PBLD: variants seen among roughly 807,000 people sequenced by gnomAD.
The protein encoded by PBLD is phenazine biosynthesis like protein domain containing.
PBLD carries 26 observed loss-of-function variants against 31.3 expected under a neutral mutation model. The ratio of observed to expected loss-of-function variants is 0.83; its 90% CI spans 0.61 to 1.15. The LOEUF is 1.15. Among genes scored for constraint, PBLD ranks in the 50% most tolerant of loss-of-function variants. The pLI is 0.00. For missense variants in PBLD, 307 were observed against 351.7 expected (o/e 0.87, Z 1.02); for synonymous variants, 114 against 129.0 (o/e 0.88, Z 0.79).
At chr10:68,311,738 C>T (rs185342778) in intron 1 of PBLD, among the ~76,000 whole-genome samples, 46 of 123,988 alleles carry the variant, frequency 3.7e-4, no homozygotes, top group African/African-American at 1.2e-3. Flanking sequence ...GGTGGCAGAG[C>T]GAGACCCTGC....
At chr10:68,327,815 A>G (rs2044947963) in intron 1 of PBLD, among the ~76,000 whole-genome samples, 2 of 152,332 alleles carry the variant, frequency 1.3e-5, no homozygotes, top group Admixed American at 1.3e-4. Context: ...TTAAGTAGCT[A>G]TCTTTTTAAG....
In PBLD at chr10:68,290,580, G is replaced by A. The variant is rs1396931771; in HGVS notation, c.423+1430C>T. On this transcript the variant is annotated intron_variant, in intron 6 of 9. Coordinates refer to ENST00000358769, the MANE Select transcript of PBLD (RefSeq NM_022129.4). Reference sequence around the variant, plus strand: ...TAAAAATACAAAATTAGCCAGGCATGGTGGCGCATGCCTGTAATCTCAGCT... The same window carrying A: ...TAAAAATACAAAATTAGCCAGGCATAGTGGCGCATGCCTGTAATCTCAGCT... 5.3e-5 allele frequency among the ~76,000 whole-genome samples: 8 copies of A among 152,164 alleles called. No individual in the cohort carries two copies. The East Asian group carries it at 1.5e-3, about 29-fold the overall frequency.
At chr10:68,326,814 C>T (rs1280682697) in intron 1 of PBLD, among the ~76,000 whole-genome samples, 5 of 151,944 alleles carry the variant, frequency 3.3e-5, no homozygotes, top group African/African-American at 9.7e-5. Flanking sequence ...TTTGGGAGGC[C>T]GAGGCCAGTG....
At chr10:68,323,448 G>T (rs1378965918) in intron 1 of PBLD, among the ~76,000 whole-genome samples, 1 of 152,098 alleles carries the variant, frequency 6.6e-6, no homozygotes, top group Admixed American at 6.6e-5. Flanking sequence ...TGTAATCCCA[G>T]CTACTCAGGA....
In PBLD at chr10:68,330,939, C is replaced by G. The variant is rs375832978; in HGVS notation, c.-60+1845G>C. The stretch of plus-strand genomic sequence containing the variant: ...GCGCAATCACGGCTCACTGCAGCCT[C>G]AACTTCCAGGGCACAAGCCATCCTT... On this transcript the variant is annotated intron_variant, in intron 1 of 9. Transcript: ENST00000358769. 1.6e-3 allele frequency among the ~76,000 whole-genome samples: 240 copies of G among 152,272 alleles called. 1 individual carries two copies. Among genetic ancestry groups the G allele is most frequent in the African/African-American group, 5.4e-3 (223 of 41,542 alleles).
rs552214104 is a variant in PBLD, at chr10:68,327,537, G to C, written c.-60+5247C>G. On this transcript the variant is annotated intron_variant, in intron 1 of 9. Transcript: ENST00000358769. ...TACTAAAAATACAAAAATTAGCTGGGCGTGGTCATGCATGCCTGTAATCCC... is the reference window on the plus strand; with the variant it reads ...TACTAAAAATACAAAAATTAGCTGGCCGTGGTCATGCATGCCTGTAATCCC... Among the ~76,000 whole-genome samples the C allele has an allele frequency of 6.7e-3, 1,012 of 151,992 alleles. 14 individuals are homozygous for C. Among genetic ancestry groups the C allele is most frequent in the African/African-American group, 0.023 (937 of 41,440 alleles).
intron 1 of PBLD, among the ~76,000 whole-genome samples, chr10:68,325,678 A>C (rs998776263): frequency 8.5e-5 from 13 of 152,152 alleles, no homozygotes; most frequent in Non-Finnish European, 1.8e-4. Context: ...CTACTTCCTT[A>C]TTTTACAATG....
chr10:68,285,116 AT>A, intron 9 of PBLD: 1 of 1,327,166 alleles, frequency 7.5e-7, no homozygotes, highest in Non-Finnish European at 9.6e-7. Flanking sequence ...ACAAACACTT[AT>A]TGGGCAGTTA....
At position 68,284,186 on chromosome 10, in the gene PBLD, C is replaced by T; in HGVS notation, c.858G>A (p.Leu286=). 6.2e-7 allele frequency: 1 copy of T among 1,613,746 alleles called. No homozygotes were observed. The highest frequency in any genetic ancestry group is 8.5e-7 in the Non-Finnish European group (1 of 1,179,726). Residue 286 remains leucine (L), a synonymous_variant, in exon 10 of 10, where the codon CTG becomes CTA. Coordinates refer to ENST00000358769, the MANE Select transcript of PBLD (RefSeq NM_022129.4). ...CACAGCATAACCACCTCTAGGCTGT[C>T]AGTGTGCCCTCTAAAACAACAGCTG... The part of the protein sequence containing the change: ...GGAAVVLEGT[L]TA
intron 2 of PBLD, among the ~76,000 whole-genome samples, chr10:68,306,237 GTCTT>G (rs1361066285): frequency 2.6e-5 from 4 of 152,000 alleles, no homozygotes; most frequent in Admixed American, 6.6e-5. Flanking sequence ...TTAAAAATGA[GTCTT>G]TCAGTAAGTT....
chr10:68,318,364 C>G (rs1438270212), intron 1 of PBLD, among the ~76,000 whole-genome samples: 1 of 138,754 alleles, frequency 7.2e-6, no homozygotes, highest in Non-Finnish European at 1.5e-5. Context: ...ACAGCAAGAC[C>G]CTGCCTCTAT....
intron 2 of PBLD, among the ~76,000 whole-genome samples, chr10:68,297,990 G>T (rs545142190): frequency 1.4e-3 from 207 of 151,644 alleles, no homozygotes; most frequent in African/African-American, 4.7e-3. Context: ...CTTTAGCTGG[G>T]CATGGTGGCT....
chr10:68,317,524 G>A (rs2044751010), intron 1 of PBLD, among the ~76,000 whole-genome samples: 1 of 152,238 alleles, frequency 6.6e-6, no homozygotes, highest in Non-Finnish European at 1.5e-5. Flanking sequence ...AATGCCAGGT[G>A]TGGTGGCTCA....
chr10:68,288,686 G>C, intron 7 of PBLD, 25 bp from the exon 8 acceptor site: 1 of 1,608,178 alleles, frequency 6.2e-7, no homozygotes, highest in Non-Finnish European at 8.5e-7. Context: ...AGATGGATTA[G>C]GACAAACCCA....
intron 1 of PBLD, among the ~76,000 whole-genome samples, chr10:68,319,682 C>T (rs2134527475): frequency 6.6e-6 from 1 of 152,100 alleles, no homozygotes; most frequent in African/African-American, 2.4e-5. Context: ...GATCACAACA[C>T]TGCACTCCGG....
At chr10:68,307,595 G>A (rs2134479730) in intron 1 of PBLD, among the ~76,000 whole-genome samples, 1 of 152,086 alleles carries the variant, frequency 6.6e-6, no homozygotes, top group Admixed American at 6.6e-5. Flanking sequence ...CCCCTCCCAG[G>A]TTCACGCAAT....
rs537387556 is a variant in PBLD at position 68,306,721 on chromosome 10, C to G, written c.84+40G>C. On this transcript the variant is annotated intron_variant, in intron 2 of 9. Coordinates refer to ENST00000358769, the MANE Select transcript of PBLD (RefSeq NM_022129.4). Reference sequence around the variant, plus strand: ...AATAAGTAATTGTTTCTACAGGAATCTAGAATTTCAGGTACTGTAATTCAA... The same window carrying G: ...AATAAGTAATTGTTTCTACAGGAATGTAGAATTTCAGGTACTGTAATTCAA... 7 of 1,534,360 alleles carry G rather than the reference C, an allele frequency of 4.6e-6. No individual in the cohort carries two copies. The Middle Eastern group carries it at 5.1e-4, about 111-fold the overall frequency.
chr10:68,284,062 A>T lies in PBLD; in HGVS notation c.*115T>A. ...GCGCCTGGCCCATTTTTCGATTTTT[A>T]ACATGAGGATTAAGTAGACTACTAC... On this transcript the variant is annotated 3_prime_UTR_variant, in exon 10 of 10. Coordinates refer to ENST00000358769, the MANE Select transcript of PBLD (RefSeq NM_022129.4). The T allele has an allele frequency of 1.9e-6, 2 of 1,033,824 alleles. No individual in the cohort carries two copies. Among genetic ancestry groups the T allele is most frequent in the African/African-American group, 1.6e-5 (1 of 61,910 alleles). 64.0% of individuals were successfully genotyped at this position (1,033,824 alleles called of 1,614,324 possible). A position where few individuals can be genotyped will look rare whatever the true frequency, so the allele number is the denominator to read the frequency against.
chr10:68,301,188 A>T (rs4746756), intron 2 of PBLD, among the ~76,000 whole-genome samples: 119,792 of 152,078 alleles, frequency 0.79, 47,809 homozygotes, highest in Non-Finnish European at 0.86. Context: ...GAGCCACCGC[A>T]CCCGCCCATT....
Sources: gnomAD v4.1 joint callset for allele counts (sites outside exome capture counted in the v4.1 genomes callset) on GRCh38, gnomAD v4.1.1 for gene constraint, MANE v1.5 for transcripts, NCBI Gene and HGNC (gene_info 2026-07-23, HGNC 2026-07-21) for gene names.